Variants in VMP1 observed in about 807,000 individuals in gnomAD.
VMP1 encodes the protein ectopic P-granules autophagy protein 3 homolog.
A neutral mutation model predicts 56.0 loss-of-function variants in VMP1; 11 were observed. The ratio of observed to expected loss-of-function variants is 0.20; its 90% CI spans 0.12 to 0.32. VMP1 has a LOEUF of 0.32. Ranked by LOEUF, VMP1 falls within the 10% of genes least tolerant of loss-of-function variation. VMP1 has a pLI of 1.00. For synonymous variants in VMP1, 149 were observed against 165.0 expected, an observed-to-expected ratio of 0.90 and a Z score of 0.74; for missense variants, 296 against 490.3, an observed-to-expected ratio of 0.60 and a Z score of 3.74.
chr17:59,809,341 A>G (rs1358541149), intron 8 of VMP1, among the ~76,000 whole-genome samples: 1 of 97,446 alleles, frequency 1.0e-5, no homozygotes, highest in Non-Finnish European at 1.9e-5. Flanking sequence ...TTGAGACAAG[A>G]GTTTCACTTT....
chr17:59,729,687 T>C (rs1005693781), intron 1 of VMP1: 4 of 81,568 alleles, frequency 4.9e-5, no homozygotes, highest in Admixed American at 1.1e-4. Context: ...TTTTTGTTTC[T>C]TTTTTTTTTT....
At chr17:59,712,216 A>G (rs1466380561) in intron 1 of VMP1, among the ~76,000 whole-genome samples, 1 of 152,238 alleles carries the variant, frequency 6.6e-6, no homozygotes, top group East Asian at 1.9e-4. Context: ...TTTTAAAAGC[A>G]TAGCTTTATG....
chr17:59,743,472 G>C lies in VMP1; in HGVS notation c.414+4525G>C, dbSNP rs922213957. Among the ~76,000 whole-genome samples, 71 of 151,710 alleles carry C rather than the reference G, an allele frequency of 4.7e-4. 1 individual carries two copies. Among genetic ancestry groups the C allele is most frequent in the African/African-American group, 1.6e-3 (66 of 41,372 alleles). On this transcript the variant is annotated intron_variant, in intron 5 of 11. Transcript: ENST00000262291. ...CATCACTATTTAATAATATTCCTCT[G>C]TATGGATGTACCACCCGTTTGTGTA... is the stretch of plus-strand genomic sequence containing the variant.
intron 1 of VMP1, among the ~76,000 whole-genome samples, chr17:59,726,279 A>G (rs910922940): frequency 6.8e-6 from 1 of 147,804 alleles, no homozygotes; most frequent in Non-Finnish European, 1.5e-5. Flanking sequence ...ATGAACACAC[A>G]TAGTTTTTTT....
chr17:59,836,983 C>T (rs575172195), intron 10 of VMP1, among the ~76,000 whole-genome samples: 1 of 151,708 alleles, frequency 6.6e-6, no homozygotes, highest in East Asian at 1.9e-4. Context: ...AGGGGGATCA[C>T]GAGGTCAGGA....
At chr17:59,717,607 T>C (rs1429821610) in intron 1 of VMP1, among the ~76,000 whole-genome samples, 3 of 152,156 alleles carry the variant, frequency 2.0e-5, no homozygotes, top group African/African-American at 7.2e-5. Flanking sequence ...GGTCTGGAAC[T>C]CCTGGCCTCA....
At chr17:59,833,497 T>A (rs1256378899) in intron 10 of VMP1, among the ~76,000 whole-genome samples, 4 of 152,056 alleles carry the variant, frequency 2.6e-5, no homozygotes, top group African/African-American at 9.7e-5. Context: ...CTACAAAATA[T>A]AAAAAGAAAC....
chr17:59,801,089 AAAATAT>A (rs1247159991), intron 7 of VMP1, among the ~76,000 whole-genome samples: 2 of 114,454 alleles, frequency 1.7e-5, no homozygotes, highest in Admixed American at 8.6e-5. Context: ...CGAAAAAAAA[AAAATAT>A]ATATATATAT....
rs755696480 is a variant in VMP1, at chr17:59,838,390, C to T, written c.1070C>T (p.Thr357Ile). Residue 357 changes from threonine to isoleucine, a missense_variant, in exon 11 of 12, where the codon ACA becomes ATA. Coordinates refer to ENST00000262291, the MANE Select transcript of VMP1 (RefSeq NM_030938.5). Reference sequence around the variant, plus strand: ...CTTCACCACAAAAGCGAAATGGGCACACCACAGGTAAGACTTTAATCCGGT... The same window carrying T: ...CTTCACCACAAAAGCGAAATGGGCATACCACAGGTAAGACTTTAATCCGGT... The part of the protein sequence containing the change: ...QKLHHKSEMG[T>I]PQGENWLSWM... 1.2e-6 allele frequency: 2 copies of T among 1,613,990 alleles called. No individual in the cohort carries two copies. Among genetic ancestry groups the T allele is most frequent in the African/African-American group, 1.3e-5 (1 of 74,904 alleles).
At chr17:59,795,224 C>T (rs571975947) in intron 7 of VMP1, among the ~76,000 whole-genome samples, 7 of 151,992 alleles carry the variant, frequency 4.6e-5, no homozygotes, top group Non-Finnish European at 1.0e-4. Context: ...ATCTGCCCAC[C>T]TCAGCCTCCC....
chr17:59,827,187 G>T (rs568253558), intron 10 of VMP1, among the ~76,000 whole-genome samples: 2 of 151,630 alleles, frequency 1.3e-5, no homozygotes, highest in African/African-American at 4.9e-5. Flanking sequence ...ACAGGGTCTC[G>T]CTGTGTTGCC....
intron 7 of VMP1, among the ~76,000 whole-genome samples, chr17:59,790,977 T>C (rs1355209853): frequency 6.6e-6 from 1 of 152,160 alleles, no homozygotes; most frequent in Non-Finnish European, 1.5e-5. Flanking sequence ...TCAATTGTTT[T>C]TTCCATGGAT....
chr17:59,808,542 C>T (rs1035880023), intron 7 of VMP1, among the ~76,000 whole-genome samples: 14 of 152,108 alleles, frequency 9.2e-5, no homozygotes, highest in Non-Finnish European at 1.8e-4. Context: ...CTAGAATATC[C>T]AGAGAGAATA....
At chr17:59,811,637 A>G in intron 8 of VMP1, 33 bp from the exon 9 acceptor site, 1 of 1,472,326 alleles carries the variant, frequency 6.8e-7, no homozygotes, top group Non-Finnish European at 9.5e-7. Context: ...TCTTTGGATT[A>G]TAATATGGAA....
intron 7 of VMP1, among the ~76,000 whole-genome samples, chr17:59,774,777 T>C (rs2036557618): frequency 6.6e-6 from 1 of 151,970 alleles, no homozygotes; most frequent in Non-Finnish European, 1.5e-5. Flanking sequence ...CAAACTCTTA[T>C]ATAAACATAG....
intron 5 of VMP1, among the ~76,000 whole-genome samples, chr17:59,753,313 A>C (rs1248239002): frequency 1.3e-5 from 2 of 151,960 alleles, no homozygotes; most frequent in Non-Finnish European, 2.9e-5. Flanking sequence ...CAATTAGGAG[A>C]AGTGATGGGG....
At chr17:59,767,023 C>A (rs943461755) in intron 6 of VMP1, among the ~76,000 whole-genome samples, 1 of 152,070 alleles carries the variant, frequency 6.6e-6, no homozygotes, top group East Asian at 1.9e-4. Context: ...TTCAGGTGAT[C>A]CACCAGGCGT....
At chr17:59,819,134 A>G (rs1282460499) in intron 10 of VMP1, among the ~76,000 whole-genome samples, 2 of 152,138 alleles carry the variant, frequency 1.3e-5, no homozygotes, top group Non-Finnish European at 2.9e-5. Context: ...AGTTTCATTA[A>G]TTCCTGAGCT....
intron 10 of VMP1, among the ~76,000 whole-genome samples, chr17:59,833,429 G>A (rs1243017334): frequency 2.0e-5 from 3 of 152,018 alleles, no homozygotes; most frequent in Non-Finnish European, 4.4e-5. Flanking sequence ...CAAGGTGGGA[G>A]GATCTTTTGA....
Sources: allele counts gnomAD v4.1 joint callset (sites outside exome capture counted in the v4.1 genomes callset), GRCh38; gene constraint gnomAD v4.1.1; transcripts MANE v1.5; gene names NCBI Gene and HGNC (gene_info 2026-07-23, HGNC 2026-07-21).